RAB11FIP3: variants seen among roughly 807,000 people sequenced by gnomAD.
RAB11FIP3 encodes the protein rab11 family-interacting protein 3.
Under a neutral mutation model 77.8 loss-of-function variants are expected in RAB11FIP3, and 17 were observed. The ratio of observed to expected loss-of-function variants is 0.22; its 90% CI spans 0.15 to 0.33. The LOEUF is 0.33. Ranked by LOEUF, RAB11FIP3 falls within the 10% of genes least tolerant of loss-of-function variation. RAB11FIP3 has a pLI of 1.00. For synonymous variants in RAB11FIP3, 437 were observed against 448.2 expected, an observed-to-expected ratio of 0.98 and a Z score of 0.31; for missense variants, 1,005 against 1,011.2, an observed-to-expected ratio of 0.99 and a Z score of 0.08.
At position 482,505 on chromosome 16, in the gene RAB11FIP3, G is replaced by A. The variant is rs1472123727; in HGVS notation, c.904-20G>A. 1 of 1,611,558 alleles carries A rather than the reference G, an allele frequency of 6.2e-7. No individual in the cohort carries two copies. The highest frequency in any genetic ancestry group is 2.2e-5 in the East Asian group (1 of 44,872). On this transcript the variant is annotated intron_variant, in intron 3 of 13. Transcript: ENST00000262305. Reference sequence around the variant, plus strand: ...CCCTCCCAGCTTGTGCCCGCTGACTGCTGGCGCACTCTCTCCTAGGCCAAC... The same window carrying A: ...CCCTCCCAGCTTGTGCCCGCTGACTACTGGCGCACTCTCTCCTAGGCCAAC...
intron 8 of RAB11FIP3, among the ~76,000 whole-genome samples, chr16:509,248 G>A (rs1331914729): frequency 1.3e-5 from 2 of 152,262 alleles, no homozygotes; most frequent in East Asian, 1.9e-4. Flanking sequence ...CCTGGGAGCT[G>A]TTCCTTGTTG....
Position 442,682 on chromosome 16 carries a change from AT to A in RAB11FIP3, c.714+15965del, listed in dbSNP as rs367577693. Among the ~76,000 whole-genome samples, 449 of 152,186 alleles carry A rather than the reference AT, an allele frequency of 3.0e-3. 2 individuals are homozygous for A. The highest frequency in any genetic ancestry group is 0.011 in the African/African-American group (441 of 41,512). On this transcript the variant is annotated intron_variant, in intron 1 of 13. Transcript: ENST00000262305. ...AGTCGTCCCAAAGCACAGAGATGTG[AT>A]TTGCAGAAGGTATGTTGTGTCTTCG...
intron 2 of RAB11FIP3, among the ~76,000 whole-genome samples, chr16:466,720 C>T (rs536610529): frequency 2.6e-5 from 4 of 152,234 alleles, no homozygotes; most frequent in Non-Finnish European, 5.9e-5. Context: ...AGCCACCTGA[C>T]ACGCCAAGCT....
At chr16:512,538 CCTT>C (rs2032232993) in intron 9 of RAB11FIP3, among the ~76,000 whole-genome samples, 1 of 137,984 alleles carries the variant, frequency 7.2e-6, no homozygotes, top group Non-Finnish European at 1.5e-5. Context: ...TCGCGCCCGG[CCTT>C]TTTTTTTTTT....
At chr16:494,056 A>G (rs2030871975) in intron 5 of RAB11FIP3, among the ~76,000 whole-genome samples, 1 of 69,110 alleles carries the variant, frequency 1.4e-5, no homozygotes, top group Non-Finnish European at 2.8e-5. Flanking sequence ...GGCGCCCATC[A>G]CCACACCTGG....
chr16:502,183 A>G (rs1158107618), intron 6 of RAB11FIP3, among the ~76,000 whole-genome samples: 1 of 152,248 alleles, frequency 6.6e-6, no homozygotes, highest in Non-Finnish European at 1.5e-5. Flanking sequence ...ACTCCCGGCA[A>G]GTTTGGGTTG....
In RAB11FIP3 at chr16:428,492, A is replaced by G. The variant is rs185262803; in HGVS notation, c.714+1772A>G. Among the ~76,000 whole-genome samples, 96 of 152,278 alleles carry G rather than the reference A, an allele frequency of 6.3e-4. 1 individual carries two copies. The highest frequency in any genetic ancestry group is 1.5e-3 in the Admixed American group (23 of 15,290). On this transcript the variant is annotated intron_variant, in intron 1 of 13. Coordinates refer to ENST00000262305, the MANE Select transcript of RAB11FIP3 (RefSeq NM_014700.4). ...AGTACCACATTTGCTCCTTGTTACCATAACCCAACTCTTGATAGAGAACTT... is the reference window on the plus strand; with the variant it reads ...AGTACCACATTTGCTCCTTGTTACCGTAACCCAACTCTTGATAGAGAACTT...
Position 503,105 on chromosome 16 carries a change from CT to C in RAB11FIP3, c.1395+9del. On this transcript the variant is annotated intron_variant, in intron 7 of 13. Coordinates refer to ENST00000262305, the MANE Select transcript of RAB11FIP3 (RefSeq NM_014700.4). ...GAGGACATTGCTGACAAGGTAGGCC[CT>C]GGAGGGCTGGGTAGGTGGCAAGTAG... The C allele has an allele frequency of 6.2e-7, 1 of 1,600,816 alleles. No individual in the cohort carries two copies. Among genetic ancestry groups the C allele is most frequent in the South Asian group, 1.1e-5 (1 of 90,364 alleles).
At chr16:486,021 C>G (rs1337872856) in intron 4 of RAB11FIP3, among the ~76,000 whole-genome samples, 1 of 152,196 alleles carries the variant, frequency 6.6e-6, no homozygotes, top group Admixed American at 6.5e-5. Flanking sequence ...CTTGCCTTAG[C>G]CTCCTGATTA....
In RAB11FIP3 at chr16:500,717, TTAAA is replaced by T. The variant is rs1385354758; in HGVS notation, c.1302-2283_1302-2280del. On this transcript the variant is annotated intron_variant, in intron 6 of 13. Coordinates refer to ENST00000262305, the MANE Select transcript of RAB11FIP3 (RefSeq NM_014700.4). Reference sequence around the variant, plus strand: ...AAAAAAAAAAAAAAAAAAAAAAAAATTAAATAAGTAAATAAATAAGCAGCCGCAT... The same window carrying T: ...AAAAAAAAAAAAAAAAAAAAAAAAATTAAGTAAATAAATAAGCAGCCGCAT... Among the ~76,000 whole-genome samples the T allele has an allele frequency of 6.5e-4, 55 of 84,284 alleles. 1 individual carries two copies. The highest frequency in any genetic ancestry group is 1.0e-3 in the Non-Finnish European group (44 of 42,702). The allele number at this position is 84,284 out of a possible 152,430, so 55.3% of individuals were successfully genotyped here. A position where few individuals can be genotyped will look rare whatever the true frequency, so the allele number is the denominator to read the frequency against.
At chr16:497,443 G>T (rs746012871) in intron 6 of RAB11FIP3, 12 of 1,233,600 alleles carry the variant, frequency 9.7e-6, no homozygotes, top group Non-Finnish European at 1.2e-5. Context: ...CTCTGCTGCC[G>T]TCAGAGTCTG....
rs1339062998 is a variant in RAB11FIP3 at position 522,329 on chromosome 16, G to C, written c.*1490G>C. On this transcript the variant is annotated 3_prime_UTR_variant, in exon 14 of 14. Transcript: ENST00000262305. ...CTCTGTGCCCAGGCCCAGCCCTGGT[G>C]ACATGGCACCACTCAGCAGTGCTGT... The C allele has an allele frequency of 6.6e-6, 1 of 151,252 alleles. No individual in the cohort carries two copies. Among genetic ancestry groups the C allele is most frequent in the Non-Finnish European group, 1.5e-5 (1 of 67,880 alleles). The allele number at this position is 151,252 out of a possible 1,614,324, so 9.4% of individuals were successfully genotyped here.
intron 6 of RAB11FIP3, chr16:502,694 A>G: frequency 4.4e-6 from 2 of 457,996 alleles, no homozygotes; most frequent in South Asian, 5.6e-5. Context: ...GCCAAGTACA[A>G]AGTCCTCTCT....
At chr16:516,707 T>C (rs2032432442) in intron 9 of RAB11FIP3, among the ~76,000 whole-genome samples, 1 of 152,014 alleles carries the variant, frequency 6.6e-6, no homozygotes, top group South Asian at 2.1e-4. Context: ...TGAAACCCTG[T>C]CTCTACTGAA....
At chr16:478,133 T>A (rs1476384512) in intron 3 of RAB11FIP3, among the ~76,000 whole-genome samples, 1 of 151,846 alleles carries the variant, frequency 6.6e-6, no homozygotes, top group Non-Finnish European at 1.5e-5. Flanking sequence ...GAGGCTCAGG[T>A]GGGTGCAGCC....
In RAB11FIP3 at chr16:519,664, C is replaced by T. The variant is rs577072764; in HGVS notation, c.1723-90C>T. 133 of 1,525,084 alleles carry T rather than the reference C, an allele frequency of 8.7e-5. 1 individual carries two copies. The African/African-American group carries it at 1.6e-3, about 19-fold the overall frequency. The allele number at this position is 1,525,084 out of a possible 1,614,324, so 94.5% of individuals were successfully genotyped here. ...GCGCCACCGCGTTGCTGTTGGGAGA[C>T]TCAGAGATTGGAGGGACAGACGGCC... On this transcript the variant is annotated intron_variant, in intron 10 of 13. Coordinates refer to ENST00000262305, the MANE Select transcript of RAB11FIP3 (RefSeq NM_014700.4).
Position 429,498 on chromosome 16 carries a change from AT to A in RAB11FIP3, c.714+2793del, listed in dbSNP as rs761957197. On this transcript the variant is annotated intron_variant, in intron 1 of 13. Transcript: ENST00000262305. ...TGATGATAACAACTAGATTATCTTAATTTTTTTTTTTTTTTGAGATGGAGTC... is the reference window on the plus strand; with the variant it reads ...TGATGATAACAACTAGATTATCTTAATTTTTTTTTTTTTTGAGATGGAGTC... Among the ~76,000 whole-genome samples, 1,299 of 143,852 alleles carry A rather than the reference AT, an allele frequency of 9.0e-3. 11 individuals carry two copies. The highest frequency in any genetic ancestry group is 0.025 in the African/African-American group (984 of 39,440). The allele number at this position is 143,852 out of a possible 152,430, so 94.4% of individuals were successfully genotyped here.
intron 1 of RAB11FIP3, among the ~76,000 whole-genome samples, chr16:443,817 G>C (rs957209042): frequency 6.6e-6 from 1 of 152,184 alleles, no homozygotes; most frequent in Non-Finnish European, 1.5e-5. Flanking sequence ...GCCCGCCTTG[G>C]CCTCCCAAAG....
chr16:486,051 G>A (rs1754696042), intron 4 of RAB11FIP3, among the ~76,000 whole-genome samples: 4 of 152,148 alleles, frequency 2.6e-5, no homozygotes, highest in South Asian at 4.1e-4. Flanking sequence ...ACTGGCGCCC[G>A]CCACCATGCC....
Sources: gnomAD v4.1 joint callset for allele counts (sites outside exome capture counted in the v4.1 genomes callset) on GRCh38, gnomAD v4.1.1 for gene constraint, MANE v1.5 for transcripts, NCBI Gene and HGNC (gene_info 2026-07-23, HGNC 2026-07-21) for gene names.